Variants in PRKG1 observed in about 807,000 individuals in gnomAD.
PRKG1 encodes the protein cGMP-dependent protein kinase 1.
Under a neutral mutation model 88.1 loss-of-function variants are expected in PRKG1, and 35 were observed. The observed-to-expected ratio is 0.40, with a 90% CI of 0.30 to 0.53. The LOEUF is 0.53. Ranked by LOEUF, PRKG1 falls within the 20% of genes least tolerant of loss-of-function variation. The pLI is 0.59. For synonymous variants in PRKG1, 303 were observed against 292.5 expected (o/e 1.04, Z -0.37); for missense variants, 540 against 839.8 (o/e 0.64, Z 4.41).
At chr10:51,476,846 T>A (rs1242866178) in intron 3 of PRKG1, among the ~76,000 whole-genome samples, 1 of 152,014 alleles carries the variant, frequency 6.6e-6, no homozygotes, top group Non-Finnish European at 1.5e-5. Flanking sequence ...CTTTTCTAGT[T>A]GAATCCAGGG....
chr10:51,697,364 G>T, intron 3 of PRKG1: 1 of 223,146 alleles, frequency 4.5e-6, no homozygotes, highest in Non-Finnish European at 8.7e-6. Context: ...CAGTTTTCAC[G>T]AAGTTTTACT....
intron 4 of PRKG1, among the ~76,000 whole-genome samples, chr10:51,839,659 T>G (rs1840219832): frequency 6.6e-6 from 1 of 152,206 alleles, no homozygotes; most frequent in Admixed American, 6.5e-5. Flanking sequence ...GGGTTCTCGA[T>G]AATCGTAGTG....
intron 3 of PRKG1, among the ~76,000 whole-genome samples, chr10:51,703,841 A>G (rs962652520): frequency 6.6e-6 from 1 of 152,154 alleles, no homozygotes; most frequent in Non-Finnish European, 1.5e-5. Context: ...CTACATTATA[A>G]GATTGCAATC....
At chr10:51,185,167 A>G (rs1355375421) in intron 2 of PRKG1, among the ~76,000 whole-genome samples, 1 of 152,194 alleles carries the variant, frequency 6.6e-6, no homozygotes, top group East Asian at 1.9e-4. Flanking sequence ...GATCTGAAAA[A>G]GTTACTTAAC....
At chr10:51,260,724 C>T (rs560210527) in intron 2 of PRKG1, among the ~76,000 whole-genome samples, 67 of 152,118 alleles carry the variant, frequency 4.4e-4, no homozygotes, top group African/African-American at 1.5e-3. Flanking sequence ...ATACCAAGTC[C>T]GAAATCAATG....
intron 3 of PRKG1, among the ~76,000 whole-genome samples, chr10:51,679,805 G>A (rs192920419): frequency 1.4e-5 from 2 of 141,428 alleles, no homozygotes; most frequent in East Asian, 4.0e-4. Context: ...CATGTGCCAT[G>A]CTGATGCGCT....
intron 2 of PRKG1, among the ~76,000 whole-genome samples, chr10:51,264,534 A>G (rs1839792480): frequency 4.6e-5 from 7 of 152,190 alleles, no homozygotes; most frequent in Admixed American, 4.6e-4. Flanking sequence ...GTATCACGGT[A>G]TTCTGTGGCA....
At chr10:51,059,498 G>T (rs932807474) in intron 1 of PRKG1, among the ~76,000 whole-genome samples, 1 of 152,104 alleles carries the variant, frequency 6.6e-6, no homozygotes, top group Non-Finnish European at 1.5e-5. Flanking sequence ...CTGGGCTCAA[G>T]TGATCCTCCT....
intron 3 of PRKG1, among the ~76,000 whole-genome samples, chr10:51,715,851 T>G (rs1050811885): frequency 1.3e-5 from 2 of 152,214 alleles, no homozygotes; most frequent in African/African-American, 2.4e-5. Context: ...CCATCAAAAG[T>G]GTTGACATTT....
chr10:52,261,585 G>A (rs1035894559), intron 10 of PRKG1, among the ~76,000 whole-genome samples: 9 of 152,074 alleles, frequency 5.9e-5, no homozygotes, highest in Non-Finnish European at 1.0e-4. Context: ...CTGTGCCTCT[G>A]TGCCTCATTC....
At chr10:51,930,434 AG>A (rs1456479964) in intron 5 of PRKG1, among the ~76,000 whole-genome samples, 3 of 152,202 alleles carry the variant, frequency 2.0e-5, no homozygotes, top group African/African-American at 7.2e-5. Context: ...TTAGAAAAAA[AG>A]AATGCCTTCT....
chr10:51,112,945 A>G (rs1400529540), intron 1 of PRKG1, among the ~76,000 whole-genome samples: 1 of 152,190 alleles, frequency 6.6e-6, no homozygotes, highest in Non-Finnish European at 1.5e-5. Context: ...TATTCAGCAG[A>G]AATTGGAATA....
intron 8 of PRKG1, among the ~76,000 whole-genome samples, chr10:52,147,893 T>A (rs1837777063): frequency 6.6e-6 from 1 of 152,096 alleles, no homozygotes; most frequent in Non-Finnish European, 1.5e-5. Flanking sequence ...ACAGTTATGG[T>A]TAGGTTGAGC....
chr10:51,176,076 C>T (rs770711772), intron 2 of PRKG1, among the ~76,000 whole-genome samples: 18 of 151,934 alleles, frequency 1.2e-4, no homozygotes, highest in Admixed American at 3.9e-4. Context: ...TTTGGAGAAG[C>T]GAGAGATGCT....
At chr10:52,197,130 G>T (rs1428175279) in intron 9 of PRKG1, among the ~76,000 whole-genome samples, 1 of 151,958 alleles carries the variant, frequency 6.6e-6, no homozygotes, top group African/African-American at 2.4e-5. Flanking sequence ...TCCAGCTTTT[G>T]TCTGGACATT....
intron 7 of PRKG1, among the ~76,000 whole-genome samples, chr10:52,114,337 C>T (rs1486093083): frequency 6.6e-6 from 1 of 152,040 alleles, no homozygotes; most frequent in African/African-American, 2.4e-5. Flanking sequence ...TCTCTTTGAG[C>T]TTCAATTTCT....
chr10:51,360,992 G>A (rs893736305), intron 2 of PRKG1, among the ~76,000 whole-genome samples: 4 of 151,852 alleles, frequency 2.6e-5, no homozygotes, highest in African/African-American at 9.7e-5. Flanking sequence ...AGTAAATGAA[G>A]TTAAGGAAAA....
intron 3 of PRKG1, among the ~76,000 whole-genome samples, chr10:51,641,911 A>G (rs985959629): frequency 6.6e-6 from 1 of 152,162 alleles, no homozygotes; most frequent in Non-Finnish European, 1.5e-5. Context: ...AATCAATCAG[A>G]AAAAGCAGTT....
intron 4 of PRKG1, among the ~76,000 whole-genome samples, chr10:51,852,627 G>A (rs542742583): frequency 6.6e-6 from 1 of 152,118 alleles, no homozygotes; most frequent in African/African-American, 2.4e-5. Flanking sequence ...ATTCCTTGTA[G>A]TTCAACCTAT....
Sources: allele counts gnomAD v4.1 joint callset (sites outside exome capture counted in the v4.1 genomes callset), GRCh38; gene constraint gnomAD v4.1.1; transcripts MANE v1.5; gene names NCBI Gene and HGNC (gene_info 2026-07-23, HGNC 2026-07-21).